Variants in FOXN3 observed in about 807,000 individuals in gnomAD.
FOXN3 encodes the protein forkhead box N3.
FOXN3 carries 7 observed loss-of-function variants against 38.4 expected under a neutral mutation model. The observed-to-expected ratio is 0.18, with a 90% CI of 0.10 to 0.34. The LOEUF is 0.34. Among genes scored for constraint, FOXN3 ranks in the 10% least tolerant of loss-of-function variants. FOXN3 has a pLI of 1.00. For missense variants in FOXN3, 456 were observed against 613.4 expected, an observed-to-expected ratio of 0.74 and a Z score of 2.71; for synonymous variants, 230 against 242.2, an observed-to-expected ratio of 0.95 and a Z score of 0.47.
At chr14:89,473,948 C>CA (rs1472617879) in intron 1 of FOXN3, among the ~76,000 whole-genome samples, 1 of 152,000 alleles carries the variant, frequency 6.6e-6, no homozygotes, top group Non-Finnish European at 1.5e-5. Flanking sequence ...AATAAATCCA[C>CA]AAATTAAGTT....
chr14:89,222,873 A>ATATC (rs1480760709), intron 4 of FOXN3, among the ~76,000 whole-genome samples: 1 of 152,226 alleles, frequency 6.6e-6, no homozygotes, highest in Admixed American at 6.5e-5. Flanking sequence ...TGCTGAGAGT[A>ATATC]TCTAAACTAT....
intron 1 of FOXN3, among the ~76,000 whole-genome samples, chr14:89,498,886 G>A (rs1434639128): frequency 1.3e-5 from 2 of 152,118 alleles, no homozygotes; most frequent in Non-Finnish European, 2.9e-5. Context: ...ATGATTGGAC[G>A]CTTTGCGATG....
At chr14:89,515,662 G>A (rs1023105101) in intron 1 of FOXN3, among the ~76,000 whole-genome samples, 1 of 152,208 alleles carries the variant, frequency 6.6e-6, no homozygotes, top group Non-Finnish European at 1.5e-5. Flanking sequence ...CTTGAACCCA[G>A]GAGGTGGAGG....
intron 4 of FOXN3, among the ~76,000 whole-genome samples, chr14:89,182,557 A>C (rs187791155): frequency 9.2e-5 from 14 of 152,326 alleles, no homozygotes; most frequent in Non-Finnish European, 1.9e-4. Context: ...ATTTCCGCTA[A>C]CAGACCACCT....
intron 5 of FOXN3, among the ~76,000 whole-genome samples, chr14:89,177,774 G>A (rs11627263): frequency 0.56 from 84,498 of 151,786 alleles, 23,592 homozygotes; most frequent in African/African-American, 0.61. Flanking sequence ...TTGCAGAACT[G>A]TGTTCCCTTA....
chr14:89,450,052 C>T (rs1892584078), intron 1 of FOXN3, among the ~76,000 whole-genome samples: 2 of 152,170 alleles, frequency 1.3e-5, no homozygotes, highest in South Asian at 2.1e-4. Context: ...GCTGGTGGGA[C>T]CCACTTGTTG....
intron 1 of FOXN3, among the ~76,000 whole-genome samples, chr14:89,450,309 T>TA (rs1250503284): frequency 5.9e-5 from 9 of 152,164 alleles, no homozygotes; most frequent in African/African-American, 2.2e-4. Flanking sequence ...GACCTTGTCT[T>TA]AACTAATTAT....
intron 1 of FOXN3, among the ~76,000 whole-genome samples, chr14:89,461,035 A>T (rs141063283): frequency 0.045 from 6,479 of 142,954 alleles, 179 homozygotes; most frequent in Middle Eastern, 0.063. Flanking sequence ...TCTTAAAAAA[A>T]AAAGGGGGGG....
intron 2 of FOXN3, among the ~76,000 whole-genome samples, chr14:89,356,022 T>G (rs1566964821): frequency 6.8e-6 from 1 of 147,960 alleles, no homozygotes; most frequent in Non-Finnish European, 1.5e-5. Flanking sequence ...TTTCAGTTTG[T>G]GCAGAACATT....
At chr14:89,436,072 C>T (rs139208372) in intron 1 of FOXN3, among the ~76,000 whole-genome samples, 2,656 of 151,034 alleles carry the variant, frequency 0.018, 48 homozygotes, top group Non-Finnish European at 0.027. Flanking sequence ...AACTCCTGGG[C>T]TCAAGCGATC....
intron 3 of FOXN3, among the ~76,000 whole-genome samples, chr14:89,306,584 G>T (rs1887384559): frequency 6.6e-6 from 1 of 152,036 alleles, no homozygotes; most frequent in Non-Finnish European, 1.5e-5. Flanking sequence ...AGCCAGCATG[G>T]TCTCAATCTC....
chr14:89,464,582 C>T (rs759325434), intron 1 of FOXN3, among the ~76,000 whole-genome samples: 1 of 152,110 alleles, frequency 6.6e-6, no homozygotes, highest in Non-Finnish European at 1.5e-5. Context: ...TGTGTCCCCA[C>T]CCAAATCTCA....
chr14:89,339,436 G>A (rs17701459), intron 3 of FOXN3, among the ~76,000 whole-genome samples: 28,315 of 152,064 alleles, frequency 0.19, 2,758 homozygotes, highest in Non-Finnish European at 0.22. Context: ...AGCCTGCTGC[G>A]ACATTGGCCA....
rs931416591 is a variant in FOXN3 at position 89,503,578 on chromosome 14, C to T, written c.-14-91088G>A. The stretch of plus-strand genomic sequence containing the variant: ...GGTAATCTAGAAATGAGAATGCTTC[C>T]AATTCTCCTTACCAACACCGGTAAT... On this transcript the variant is annotated intron_variant, in intron 1 of 6. Transcript: ENST00000345097. Among the ~76,000 whole-genome samples, 3 of 152,164 alleles carry T rather than the reference C, an allele frequency of 2.0e-5. No homozygotes were observed. The South Asian group carries it at 6.2e-4, about 32-fold the overall frequency.
chr14:89,310,938 C>A (rs1887520760), intron 3 of FOXN3, among the ~76,000 whole-genome samples: 1 of 151,510 alleles, frequency 6.6e-6, no homozygotes, highest in African/African-American at 2.4e-5. Context: ...GAAACCCCAT[C>A]TCTACTAAAA....
chr14:89,241,074 T>C (rs562258911), intron 4 of FOXN3, among the ~76,000 whole-genome samples: 2 of 152,304 alleles, frequency 1.3e-5, no homozygotes, highest in South Asian at 2.1e-4. Flanking sequence ...ATTTTCCAAT[T>C]AGCGCTACCC....
At chr14:89,449,278 G>A (rs996463208) in intron 1 of FOXN3, among the ~76,000 whole-genome samples, 4 of 152,116 alleles carry the variant, frequency 2.6e-5, no homozygotes, top group Non-Finnish European at 5.9e-5. Flanking sequence ...CTAACCTTCT[G>A]AACCATCTGT....
intron 1 of FOXN3, among the ~76,000 whole-genome samples, chr14:89,471,597 T>C (rs965596371): frequency 6.6e-6 from 1 of 151,764 alleles, no homozygotes; most frequent in African/African-American, 2.4e-5. Flanking sequence ...AAAAAGACTT[T>C]AAAAAAAATT....
At chr14:89,369,076 T>A (rs1213365026) in intron 2 of FOXN3, among the ~76,000 whole-genome samples, 24 of 152,106 alleles carry the variant, frequency 1.6e-4, no homozygotes, top group Admixed American at 1.6e-3. Flanking sequence ...CCAATCTTCC[T>A]GGGGGAGGGG....
Sources: allele counts gnomAD v4.1 joint callset (sites outside exome capture counted in the v4.1 genomes callset), GRCh38; gene constraint gnomAD v4.1.1; transcripts MANE v1.5; gene names NCBI Gene and HGNC (gene_info 2026-07-23, HGNC 2026-07-21).